The following PCDH11X variants were observed in gnomAD, a reference collection of about 807,000 sequenced individuals.
PCDH11X encodes the protein protocadherin-11 X-linked.
A neutral mutation model predicts 53.3 loss-of-function variants in PCDH11X; 18 were observed. The ratio of observed to expected loss-of-function variants is 0.34; its 90% CI spans 0.23 to 0.50. The LOEUF is 0.50. Among genes scored for constraint, PCDH11X ranks in the 20% least tolerant of loss-of-function variants. The probability of loss-of-function intolerance (pLI) is 0.98; values close to 1 mark genes in which losing one functional copy is unlikely to be tolerated. For missense variants in PCDH11X, 570 were observed against 1,032.4 expected (o/e 0.55, Z 6.14); for synonymous variants, 279 against 393.3 (o/e 0.71, Z 3.44).
chrX:91,993,641 A>G (rs2062363986), intron 6 of PCDH11X, among the ~76,000 whole-genome samples: 1 of 111,217 alleles, frequency 9.0e-6, no homozygotes, highest in Non-Finnish European at 1.9e-5. Context: ...GGATGCCTCT[A>G]CATTAAAGTT....
At chrX:92,019,649 T>C (rs1177796157) in intron 6 of PCDH11X, among the ~76,000 whole-genome samples, 2 of 111,752 alleles carry the variant, frequency 1.8e-5, no homozygotes, top group African/African-American at 3.3e-5. Flanking sequence ...ATCAAGTTAT[T>C]TGAAGCTAAT....
intron 8 of PCDH11X, among the ~76,000 whole-genome samples, chrX:92,342,952 G>C (rs1216749742): frequency 3.6e-5 from 4 of 111,998 alleles, no homozygotes; most frequent in Non-Finnish European, 7.5e-5. Context: ...TTTCTATTTT[G>C]TGCTCTCCAA....
At chrX:92,527,346 C>T (rs1603357866) in intron 10 of PCDH11X, among the ~76,000 whole-genome samples, 1 of 111,045 alleles carries the variant, frequency 9.0e-6, no homozygotes, top group East Asian at 2.8e-4. Context: ...GATTATTTCA[C>T]TTTGCATGCC....
chrX:92,191,347 C>T (rs1197145926), intron 6 of PCDH11X, among the ~76,000 whole-genome samples: 4 of 111,413 alleles, frequency 3.6e-5, no homozygotes, highest in African/African-American at 1.3e-4. Context: ...GTTCTCTGTT[C>T]GTCCTTTTGT....
chrX:92,338,033 G>T (rs918487257), intron 8 of PCDH11X, among the ~76,000 whole-genome samples: 1 of 110,879 alleles, frequency 9.0e-6, no homozygotes, highest in Non-Finnish European at 1.9e-5. Flanking sequence ...TGAGAGGGTT[G>T]GGGGGGTGTG....
chrX:92,183,740 C>T (rs769019603), intron 6 of PCDH11X, among the ~76,000 whole-genome samples: 89 of 112,197 alleles, frequency 7.9e-4, no homozygotes, highest in African/African-American at 2.7e-3. Context: ...CTGGCTTCCT[C>T]GTTATTCAGC....
intron 6 of PCDH11X, among the ~76,000 whole-genome samples, chrX:92,198,856 C>CA (rs1017997468): frequency 4.5e-5 from 5 of 110,318 alleles, no homozygotes; most frequent in Admixed American, 1.9e-4. Flanking sequence ...TACTTTTTGA[C>CA]AAAAAAAATT....
At chrX:92,585,823 T>C (rs1235193534) in intron 10 of PCDH11X, among the ~76,000 whole-genome samples, 1 of 109,481 alleles carries the variant, frequency 9.1e-6, no homozygotes, top group Non-Finnish European at 1.9e-5. Flanking sequence ...GGCTTTTCTG[T>C]ACATTCTATT....
intron 7 of PCDH11X, among the ~76,000 whole-genome samples, chrX:92,220,914 T>C (rs1390625522): frequency 3.8e-5 from 4 of 106,031 alleles, no homozygotes; most frequent in African/African-American, 6.9e-5. Flanking sequence ...ATGGATGAAA[T>C]TGGAAATCAT....
chrX:92,600,830 C>A (rs1926144074), intron 10 of PCDH11X, among the ~76,000 whole-genome samples: 2 of 103,302 alleles, frequency 1.9e-5, no homozygotes, highest in African/African-American at 7.3e-5. Context: ...CTCTGCAAAG[C>A]CACAGGGGCA....
At chrX:92,139,655 G>A (rs1046505891) in intron 6 of PCDH11X, among the ~76,000 whole-genome samples, 2 of 111,376 alleles carry the variant, frequency 1.8e-5, no homozygotes, top group African/African-American at 6.5e-5. Context: ...ATTTATCCAT[G>A]AGACAACAAT....
In PCDH11X at chrX:92,317,823, A is replaced by G. The variant is rs181632331; in HGVS notation, c.3144+54680A>G. Among the ~76,000 whole-genome samples, 443 of 111,551 alleles carry G rather than the reference A, an allele frequency of 4.0e-3. 1 individual carries two copies. Among genetic ancestry groups the G allele is most frequent in the African/African-American group, 0.014 (424 of 30,807 alleles). ...ACATAACTTCTCTAAAACTCAATTT[A>G]CCAAACTAGAAATGAGAAGAATAAT... On this transcript the variant is annotated intron_variant, in intron 8 of 10. Transcript: ENST00000682573.
At chrX:92,069,689 A>G (rs1271278580) in intron 6 of PCDH11X, among the ~76,000 whole-genome samples, 1 of 110,697 alleles carries the variant, frequency 9.0e-6, no homozygotes, top group Non-Finnish European at 1.9e-5. Flanking sequence ...TAAAACTGAT[A>G]TTATTTTTTT....
chrX:92,592,437 A>G (rs763979839), intron 10 of PCDH11X, among the ~76,000 whole-genome samples: 11 of 110,740 alleles, frequency 9.9e-5, no homozygotes, highest in Admixed American at 9.7e-4. Flanking sequence ...TCCCTTTAGT[A>G]AAAAAGATTC....
At chrX:92,549,755 C>T (rs2148748547) in intron 10 of PCDH11X, among the ~76,000 whole-genome samples, 1 of 110,100 alleles carries the variant, frequency 9.1e-6, no homozygotes, top group Admixed American at 9.7e-5. Context: ...CTGAAATATA[C>T]ATAAAAAGAA....
At chrX:92,548,281 G>A (rs1050821692) in intron 10 of PCDH11X, among the ~76,000 whole-genome samples, 8 of 110,041 alleles carry the variant, frequency 7.3e-5, no homozygotes, top group African/African-American at 2.3e-4. Flanking sequence ...CGTGATCCTC[G>A]CACCTCAGCC....
In PCDH11X at chrX:92,262,452, C is replaced by A. The variant is rs761797452; in HGVS notation, c.3115-662C>A. ...CAAATGGTCTATATGCTTCTGGTAT[C>A]TTAAAAAGTAACTTAACCTGTCTCC... On this transcript the variant is annotated intron_variant, in intron 7 of 10. Transcript: ENST00000682573. Among the ~76,000 whole-genome samples, 34 of 111,105 alleles carry A rather than the reference C, an allele frequency of 3.1e-4. 1 individual carries two copies. Among genetic ancestry groups the A allele is most frequent in the Admixed American group, 2.9e-3 (30 of 10,433 alleles).
chrX:92,206,610 T>A (rs2066481016), intron 7 of PCDH11X, among the ~76,000 whole-genome samples: 1 of 111,026 alleles, frequency 9.0e-6, no homozygotes, highest in Non-Finnish European at 1.9e-5. Flanking sequence ...CACTGTAACC[T>A]CTGCCCCCTG....
intron 6 of PCDH11X, among the ~76,000 whole-genome samples, chrX:91,961,654 A>G (rs1301914802): frequency 9.2e-5 from 10 of 108,347 alleles, no homozygotes; most frequent in Non-Finnish European, 1.5e-4. Context: ...ATTTCTATAC[A>G]CTAACAATGA....
Sources: allele counts gnomAD v4.1 joint callset (sites outside exome capture counted in the v4.1 genomes callset), GRCh38; gene constraint gnomAD v4.1.1; transcripts MANE v1.5; gene names NCBI Gene and HGNC (gene_info 2026-07-23, HGNC 2026-07-21).